The following ZNF599 variants were observed in gnomAD, a reference collection of about 807,000 sequenced individuals.
ZNF599 encodes the protein zinc finger protein 599.
ZNF599 carries 10 observed loss-of-function variants against 11.7 expected under a neutral mutation model. That is an observed-to-expected ratio of 0.86 (90% CI 0.53 to 1.45). ZNF599 has a LOEUF of 1.45. ZNF599 is among the 40% of genes most tolerant of loss of function. The probability of loss-of-function intolerance (pLI) is 0.00; values close to 1 mark genes in which losing one functional copy is unlikely to be tolerated. For synonymous variants in ZNF599, 232 were observed against 253.2 expected, an observed-to-expected ratio of 0.92 and a Z score of 0.79; for missense variants, 688 against 713.6, an observed-to-expected ratio of 0.96 and a Z score of 0.41.
the ZNF599 span, among the ~76,000 whole-genome samples, chr19:34,790,225 CTGACATGCTT>C: frequency 6.6e-6 from 1 of 152,172 alleles, no homozygotes; most frequent in Admixed American, 6.5e-5. Context: ...AAAAGGCTTT[CTGACATGCTT>C]TACATTCAAA....
At chr19:34,803,041 A>G in the ZNF599 span, among the ~76,000 whole-genome samples, 1 of 152,176 alleles carries the variant, frequency 6.6e-6, no homozygotes, top group Admixed American at 6.5e-5. Flanking sequence ...ATGGGGATAT[A>G]TTAGCTAGAG....
At chr19:34,772,470 A>G in intron 1 of ZNF599, 1 of 1,153,534 alleles carries the variant, frequency 8.7e-7, no homozygotes, top group Non-Finnish European at 1.1e-6. Context: ...ATGCTCTCCG[A>G]GCAGTGAAAG....
chr19:34,772,554 C>T lies in ZNF599; in HGVS notation c.18+270G>A. On this transcript the variant is annotated intron_variant, in intron 1 of 3. Transcript: ENST00000329285. Reference sequence around the variant, plus strand: ...AAATTACTGAGACTCGCATTTTAGACCCGAGGGAATGGAGGCCGAGGGCAG... The same window carrying T: ...AAATTACTGAGACTCGCATTTTAGATCCGAGGGAATGGAGGCCGAGGGCAG... 2.2e-6 allele frequency: 3 copies of T among 1,344,250 alleles called. No homozygotes were observed. The South Asian group carries it at 5.6e-5, about 25-fold the overall frequency. 83.3% of individuals were successfully genotyped at this position (1,344,250 alleles called of 1,614,324 possible). A position where few individuals can be genotyped will look rare whatever the true frequency, so the allele number is the denominator to read the frequency against.
chr19:34,798,543 A>G, the ZNF599 span, among the ~76,000 whole-genome samples: 4 of 152,220 alleles, frequency 2.6e-5, no homozygotes, highest in Non-Finnish European at 4.4e-5. Context: ...TCCAGTATAC[A>G]TGTATAGCAG....
the ZNF599 span, among the ~76,000 whole-genome samples, chr19:34,792,853 A>G: frequency 1.1e-5 from 1 of 92,752 alleles, no homozygotes; most frequent in Non-Finnish European, 2.2e-5. Context: ...ACAGAGCAAG[A>G]CTCTGTCTCA....
At chr19:34,781,178 AAGAAAAGGAAGGAAGGAGAGAG>A in the ZNF599 span, among the ~76,000 whole-genome samples, 8 of 151,838 alleles carry the variant, frequency 5.3e-5, no homozygotes, top group East Asian at 1.9e-4. Context: ...AAATAAAAAA[AAGAAAAGGAAGGAAGGAGAGAG>A]AGAAAAGGAA....
chr19:34,767,096 A>C (rs1467169474), intron 3 of ZNF599: 12 of 493,446 alleles, frequency 2.4e-5, no homozygotes, highest in African/African-American at 1.5e-4. Context: ...AGTGAGTGGC[A>C]AATCATTAAA....
intron 1 of ZNF599, among the ~76,000 whole-genome samples, chr19:34,770,958 T>A (rs1390441683): frequency 6.6e-6 from 1 of 152,108 alleles, no homozygotes; most frequent in Non-Finnish European, 1.5e-5. Flanking sequence ...GGATCTCCAA[T>A]CCACTGTGGG....
intron 1 of ZNF599, 67 bp downstream of exon 1, chr19:34,772,757 A>G: frequency 1.3e-6 from 2 of 1,534,110 alleles, no homozygotes; most frequent in Non-Finnish European, 1.7e-6. Flanking sequence ...CATCCGCCGT[A>G]TTACAGCGGA....
At chr19:34,762,801 G>A (rs977897919) in intron 3 of ZNF599, 7 of 152,090 alleles carry the variant, frequency 4.6e-5, no homozygotes, top group African/African-American at 1.7e-4. Context: ...AGAATACAAT[G>A]TAACAACCTT....
At chr19:34,770,306 T>C (rs1456954344) in intron 1 of ZNF599, among the ~76,000 whole-genome samples, 1 of 152,222 alleles carries the variant, frequency 6.6e-6, no homozygotes, top group East Asian at 1.9e-4. Context: ...ATCCCTCGGG[T>C]CCAGGATCTA....
chr19:34,787,378 C>A, the ZNF599 span, among the ~76,000 whole-genome samples: 4 of 152,158 alleles, frequency 2.6e-5, no homozygotes, highest in African/African-American at 9.7e-5. Flanking sequence ...CATCAAGCAG[C>A]CTCAGAGTTA....
At chr19:34,783,124 A>G in the ZNF599 span, among the ~76,000 whole-genome samples, 2,048 of 152,286 alleles carry the variant, frequency 0.013, 35 homozygotes, top group African/African-American at 0.048. Context: ...GTCTTTTAAA[A>G]TGCACCTGGG....
At chr19:34,771,303 T>G (rs1414895344) in intron 1 of ZNF599, among the ~76,000 whole-genome samples, 1 of 152,174 alleles carries the variant, frequency 6.6e-6, no homozygotes, top group Non-Finnish European at 1.5e-5. Context: ...CATACTGGAT[T>G]GTTTCTGTTA....
the ZNF599 span, among the ~76,000 whole-genome samples, chr19:34,803,114 A>T: frequency 2.6e-5 from 4 of 152,172 alleles, no homozygotes; most frequent in Non-Finnish European, 5.9e-5. Context: ...GTGGGCTTAT[A>T]AAGGCTGACG....
At position 34,759,943 on chromosome 19, in the gene ZNF599, T is replaced by C. The variant is rs753009382; in HGVS notation, c.858A>G (p.Lys286=). ...GGTGGGTGAATGCTTTGCCACATTC[T>C]TTGCACTCATAGGGCTTATCTCCGG... ...IHTGDKPYEC[K]ECGKAFTHRS... is the part of the protein sequence containing the mutation. The change falls in exon 4 of 4, where the codon AAA becomes AAG. Residue 286 remains lysine, a synonymous_variant. Coordinates refer to ENST00000329285, the MANE Select transcript of ZNF599 (RefSeq NM_001007248.3). 1 of 1,614,192 alleles carries C rather than the reference T, an allele frequency of 6.2e-7. No individual in the cohort carries two copies. The highest frequency in any genetic ancestry group is 1.1e-5 in the South Asian group (1 of 91,084).
chr19:34,770,940 G>A (rs964287025), intron 1 of ZNF599, among the ~76,000 whole-genome samples: 1 of 152,164 alleles, frequency 6.6e-6, no homozygotes, highest in African/African-American at 2.4e-5. Context: ...TTCAGCTGTC[G>A]CCCCCAGGGA....
At chr19:34,804,921 C>A in the ZNF599 span, among the ~76,000 whole-genome samples, 1 of 152,180 alleles carries the variant, frequency 6.6e-6, no homozygotes, top group African/African-American at 2.4e-5. Flanking sequence ...TCACTGCAAC[C>A]ATAGTGTTAT....
chr19:34,782,685 G>A, the ZNF599 span, among the ~76,000 whole-genome samples: 1 of 152,194 alleles, frequency 6.6e-6, no homozygotes, highest in South Asian at 2.1e-4. Context: ...CCGCCTCTGG[G>A]GCAAGGGGAC....
Sources: allele counts gnomAD v4.1 joint callset (sites outside exome capture counted in the v4.1 genomes callset), GRCh38; gene constraint gnomAD v4.1.1; transcripts MANE v1.5; gene names NCBI Gene and HGNC (gene_info 2026-07-23, HGNC 2026-07-21).